The following TCF20 variants were observed in gnomAD, a reference collection of about 807,000 sequenced individuals.
TCF20 encodes the protein transcription factor 20.
TCF20 carries 3 observed loss-of-function variants against 148.6 expected under a neutral mutation model. The ratio of observed to expected loss-of-function variants is 0.02; its 90% CI spans 0.01 to 0.05. The LOEUF (loss-of-function observed/expected upper bound fraction) is 0.05, where lower values mean the gene tolerates loss of function less well. Among genes scored for constraint, TCF20 ranks in the 10% least tolerant of loss-of-function variants. TCF20 has a pLI of 1.00. For synonymous variants in TCF20, 1,049 were observed against 909.5 expected (o/e 1.15, Z -2.76); for missense variants, 2,350 against 2,429.3 (o/e 0.97, Z 0.69).
chr22:42,168,514 G>A, intron 5 of TCF20, 95 bp downstream of exon 5: 2 of 1,480,358 alleles, frequency 1.4e-6, no homozygotes, highest in Non-Finnish European at 1.8e-6. Context: ...AGGATGAAAT[G>A]CTGGTGGCAG....
Position 42,249,754 on chromosome 22 carries a change from G to T in TCF20, c.-37+20585C>A, listed in dbSNP as rs1925212461. 2.0e-5 allele frequency among the ~76,000 whole-genome samples: 3 copies of T among 152,104 alleles called. No homozygotes were observed. In the South Asian group the frequency reaches 6.2e-4, roughly 32 times the overall value. The stretch of plus-strand genomic sequence containing the variant: ...AATCTCCCCTGCCAAATTATTCAAT[G>T]GTGTATTATTTCTGCTCCTTCACAC... On this transcript the variant is annotated intron_variant, in intron 1 of 5. Coordinates refer to ENST00000677622, the MANE Select transcript of TCF20 (RefSeq NM_001378418.1).
At chr22:42,305,512 G>A (rs1300789693) in intron 1 of TCF20, among the ~76,000 whole-genome samples, 1 of 152,086 alleles carries the variant, frequency 6.6e-6, no homozygotes, top group Non-Finnish European at 1.5e-5. Flanking sequence ...TGGACACCTG[G>A]CTCACCCCAC....
intron 2 of TCF20, among the ~76,000 whole-genome samples, chr22:42,186,052 A>T (rs928826147): frequency 6.6e-6 from 1 of 152,244 alleles, no homozygotes; most frequent in Non-Finnish European, 1.5e-5. Context: ...CCAGTTTCAG[A>T]AACTGAATCC....
intron 1 of TCF20, among the ~76,000 whole-genome samples, chr22:42,307,101 G>A (rs527987870): frequency 4.7e-5 from 7 of 149,676 alleles, no homozygotes; most frequent in Non-Finnish European, 5.9e-5. Flanking sequence ...GCACCAACCC[G>A]AGCCATCTGG....
chr22:42,172,241 T>C (rs1936174836), intron 3 of TCF20, among the ~76,000 whole-genome samples: 1 of 152,200 alleles, frequency 6.6e-6, no homozygotes, highest in African/African-American at 2.4e-5. Context: ...GAACCACAGC[T>C]AGAGAGCTCA....
chr22:42,212,918 A>G lies in TCF20; in HGVS notation c.2388T>C (p.Asn796=). The G allele has an allele frequency of 1.2e-6, 2 of 1,614,082 alleles. No individual in the cohort carries two copies. Among genetic ancestry groups the G allele is most frequent in the Non-Finnish European group, 8.5e-7 (1 of 1,180,024 alleles). ...TRPNVLVSQT[N]ELASRGLLNK... ...TCAGAAGGCCCCTGCTAGCTAATTC[A>G]TTGGTTTGACTAACCAAGACATTGG... The change falls in exon 2 of 6, where the codon AAT becomes AAC. Residue 796 remains asparagine (N), a synonymous_variant. Transcript: ENST00000677622.
intron 3 of TCF20, among the ~76,000 whole-genome samples, chr22:42,179,240 A>G (rs1162848455): frequency 6.6e-6 from 1 of 152,060 alleles, no homozygotes; most frequent in Non-Finnish European, 1.5e-5. Flanking sequence ...GAGAACTGAA[A>G]ACATGTTCAC....
intron 1 of TCF20, among the ~76,000 whole-genome samples, chr22:42,280,949 G>A (rs1926888611): frequency 1.3e-5 from 2 of 152,158 alleles, no homozygotes; most frequent in African/African-American, 4.8e-5. Flanking sequence ...GGAAATGGGA[G>A]AGCCAGGATT....
chr22:42,342,743 G>A (rs1477242335), intron 1 of TCF20, among the ~76,000 whole-genome samples: 3 of 152,192 alleles, frequency 2.0e-5, no homozygotes, highest in African/African-American at 7.2e-5. Flanking sequence ...CAGAATCCCA[G>A]CTGAATGGAT....
In TCF20 at chr22:42,338,619, T is replaced by C. The variant is rs928700017; in HGVS notation, c.-37+4860A>G. On this transcript the variant is annotated intron_variant, in intron 1 of 1. Coordinates refer to the TCF20 transcript ENST00000515426. The surrounding 1 kb of genome is among the most constrained non-coding windows in gnomAD (Gnocchi z 4.0). Reference sequence around the variant, plus strand: ...AAACTGCTAACGCGTTAGTGATTCCTGCCTGCTCGGGAAAGGCGGAGGCAG... The same window carrying C: ...AAACTGCTAACGCGTTAGTGATTCCCGCCTGCTCGGGAAAGGCGGAGGCAG... Among the ~76,000 whole-genome samples, 6 of 152,176 alleles carry C rather than the reference T, an allele frequency of 3.9e-5. No individual in the cohort carries two copies. The highest frequency in any genetic ancestry group is 7.4e-5 in the Non-Finnish European group (5 of 68,024).
intron 1 of TCF20, among the ~76,000 whole-genome samples, chr22:42,296,457 GA>G (rs1485610213): frequency 6.6e-6 from 1 of 152,258 alleles, no homozygotes; most frequent in African/African-American, 2.4e-5. Flanking sequence ...CAAGGGCCAT[GA>G]GGGGCAGTTG....
intron 1 of TCF20, among the ~76,000 whole-genome samples, chr22:42,300,401 G>T (rs1479754101): frequency 6.6e-6 from 1 of 151,358 alleles, no homozygotes; most frequent in East Asian, 1.9e-4. Context: ...AAAAAAAAAA[G>T]AAAAAAAGCG....
intron 1 of TCF20, among the ~76,000 whole-genome samples, chr22:42,295,839 G>A (rs1173532100): frequency 6.6e-6 from 1 of 152,120 alleles, no homozygotes; most frequent in Non-Finnish European, 1.5e-5. Context: ...CACCTCAGCA[G>A]CAGAAATCCT....
intron 3 of TCF20, 142 bp downstream of exon 3, chr22:42,179,467 T>G (rs1417780946): frequency 1.6e-5 from 8 of 514,984 alleles, no homozygotes; most frequent in African/African-American, 5.4e-5. Flanking sequence ...TGCTAATGGG[T>G]GGGAAGTTTT....
At position 42,216,079 on chromosome 22, in the gene TCF20, C is replaced by CTTTTTTTTTTTTTTTTTT. The variant is rs759118027; in HGVS notation, c.-36-756_-36-739dup. Among the ~76,000 whole-genome samples, 104 of 50,572 alleles carry CTTTTTTTTTTTTTTTTTT rather than the reference C, an allele frequency of 2.1e-3. 22 individuals carry two copies. The highest frequency in any genetic ancestry group is 6.3e-3 in the African/African-American group (74 of 11,834). 33.2% of individuals were successfully genotyped at this position (50,572 alleles called of 152,430 possible). ...GGTGTGGGGTAAGAAAAACCAAATC[C>CTTTTTTTTTTTTTTTTTT]TTTTTTTTTTTTTTTTTTTTTTTTT... is the stretch of plus-strand genomic sequence containing the variant. On this transcript the variant is annotated intron_variant, in intron 1 of 5. Coordinates refer to ENST00000677622, the MANE Select transcript of TCF20 (RefSeq NM_001378418.1).
At chr22:42,192,768 G>A (rs947973782) in intron 2 of TCF20, among the ~76,000 whole-genome samples, 3 of 152,130 alleles carry the variant, frequency 2.0e-5, no homozygotes, top group Non-Finnish European at 2.9e-5. Flanking sequence ...CACTCCCACA[G>A]GTCATGCTCA....
intron 1 of TCF20, among the ~76,000 whole-genome samples, chr22:42,256,137 A>G (rs1925729665): frequency 6.6e-6 from 1 of 151,986 alleles, no homozygotes; most frequent in South Asian, 2.1e-4. Flanking sequence ...CCCATACTTG[A>G]TCAGGAGGGA....
intron 1 of TCF20, among the ~76,000 whole-genome samples, chr22:42,232,002 T>A (rs1225858344): frequency 6.6e-6 from 1 of 151,896 alleles, no homozygotes; most frequent in Non-Finnish European, 1.5e-5. Flanking sequence ...AAAAATAAAT[T>A]TAGTGTAGTC....
At chr22:42,207,181 G>A (rs1053991323) in intron 2 of TCF20, among the ~76,000 whole-genome samples, 1 of 152,114 alleles carries the variant, frequency 6.6e-6, no homozygotes, top group Admixed American at 6.5e-5. Context: ...CCAGGTAACT[G>A]TTCTCATCCA....
Sources: allele counts gnomAD v4.1 joint callset (sites outside exome capture counted in the v4.1 genomes callset), GRCh38; gene constraint gnomAD v4.1.1; non-coding constraint Gnocchi (gnomAD v3.1); transcripts MANE v1.5; gene names NCBI Gene and HGNC (gene_info 2026-07-23, HGNC 2026-07-21).